GRIN2B: variants seen among roughly 807,000 people sequenced by gnomAD.
GRIN2B encodes the protein glutamate ionotropic receptor NMDA type subunit 2B, also known as glutamate receptor ionotropic, NMDA 2B.
In GRIN2B, 5 loss-of-function variants were observed where a neutral mutation model predicts 114.5. The ratio of observed to expected loss-of-function variants is 0.04; its 90% CI spans 0.02 to 0.09. GRIN2B has a LOEUF of 0.09. GRIN2B is among the 10% of genes least tolerant of loss of function. GRIN2B has a pLI of 1.00. For missense variants in GRIN2B, 1,108 were observed against 1,943.5 expected (o/e 0.57, Z 8.08); for synonymous variants, 787 against 745.1 (o/e 1.06, Z -0.92).
intron 3 of GRIN2B, among the ~76,000 whole-genome samples, chr12:13,822,447 T>C (rs896968559): frequency 5.3e-5 from 8 of 152,274 alleles, no homozygotes; most frequent in Admixed American, 3.9e-4. Context: ...TCTATGCATT[T>C]ACAATCTATT....
At chr12:13,801,052 G>A (rs145954905) in intron 3 of GRIN2B, among the ~76,000 whole-genome samples, 1 of 152,110 alleles carries the variant, frequency 6.6e-6, no homozygotes, top group African/African-American at 2.4e-5. Flanking sequence ...TAATACGCCG[G>A]AGATTTATAA....
intron 3 of GRIN2B, among the ~76,000 whole-genome samples, chr12:13,860,184 G>T (rs1281468868): frequency 1.3e-5 from 2 of 152,164 alleles, no homozygotes; most frequent in African/African-American, 4.8e-5. Flanking sequence ...TGGGGGTAGA[G>T]GATAGGGGAA....
chr12:13,885,104 T>C (rs1490249287), intron 2 of GRIN2B, among the ~76,000 whole-genome samples: 1 of 151,940 alleles, frequency 6.6e-6, no homozygotes, highest in Non-Finnish European at 1.5e-5. Flanking sequence ...TGATGAGGGG[T>C]AAAACACAGT....
chr12:13,763,707 G>T (rs1401092505), intron 3 of GRIN2B, among the ~76,000 whole-genome samples: 7 of 152,220 alleles, frequency 4.6e-5, no homozygotes, highest in African/African-American at 1.7e-4. Context: ...GGGACTCAGA[G>T]CTTGCTGACC....
At chr12:13,739,412 G>GAAAAAAAAA (rs1565519594) in intron 4 of GRIN2B, among the ~76,000 whole-genome samples, 4 of 133,896 alleles carry the variant, frequency 3.0e-5, no homozygotes, top group Non-Finnish European at 6.2e-5. Flanking sequence ...AGAAGAAAAG[G>GAAAAAAAAA]AAAAAAAAAG....
At chr12:13,861,454 A>C (rs1865750143) in intron 3 of GRIN2B, among the ~76,000 whole-genome samples, 1 of 152,360 alleles carries the variant, frequency 6.6e-6, no homozygotes, top group Non-Finnish European at 1.5e-5. Flanking sequence ...TAAATCCAGG[A>C]TCTCAGGGAG....
chr12:13,919,073 A>C (rs761804825), intron 2 of GRIN2B, among the ~76,000 whole-genome samples: 1 of 152,224 alleles, frequency 6.6e-6, no homozygotes, highest in Non-Finnish European at 1.5e-5. Context: ...AGTGGGCCTG[A>C]GTTTCTTTTC....
At chr12:13,970,180 C>G (rs1457987056) in intron 2 of GRIN2B, among the ~76,000 whole-genome samples, 1 of 152,068 alleles carries the variant, frequency 6.6e-6, no homozygotes, top group Middle Eastern at 3.2e-3. Context: ...TTGAGATGAG[C>G]CTTGAGGAAT....
intron 3 of GRIN2B, among the ~76,000 whole-genome samples, chr12:13,850,732 G>C (rs532396688): frequency 6.6e-6 from 1 of 152,270 alleles, no homozygotes; most frequent in African/African-American, 2.4e-5. Flanking sequence ...TTACTCCAAG[G>C]CTAAATGCTT....
chr12:13,618,369 A>G (rs1014591316), intron 5 of GRIN2B, among the ~76,000 whole-genome samples: 7 of 152,218 alleles, frequency 4.6e-5, no homozygotes, highest in African/African-American at 1.7e-4. Context: ...AAAGTTGAGA[A>G]GCCCTAAAGT....
Position 13,562,773 on chromosome 12 carries a change from G to C in GRIN2B, c.*10C>G, listed in dbSNP as rs1242127908. ...CTCCCGTACCCACCTTAACCTCTCT[G>C]TTCCCTCACTCAGACATCAGACTCA... On this transcript the variant is annotated 3_prime_UTR_variant, in exon 14 of 14. Transcript: ENST00000609686. 2 of 1,611,004 alleles carry C rather than the reference G, an allele frequency of 1.2e-6. No individual in the cohort carries two copies. The highest frequency in any genetic ancestry group is 2.2e-5 in the East Asian group (1 of 44,862).
At chr12:13,805,543 CTAT>C (rs1372729929) in intron 3 of GRIN2B, among the ~76,000 whole-genome samples, 1 of 151,988 alleles carries the variant, frequency 6.6e-6, no homozygotes, top group Non-Finnish European at 1.5e-5. Flanking sequence ...AGCTGGCAGG[CTAT>C]TATTATTTAT....
chr12:13,687,957 A>G (rs1184991953), intron 4 of GRIN2B, among the ~76,000 whole-genome samples: 1 of 152,168 alleles, frequency 6.6e-6, no homozygotes, highest in East Asian at 1.9e-4. Flanking sequence ...TGGCTGCTCA[A>G]TTTTTTAAAA....
intron 4 of GRIN2B, among the ~76,000 whole-genome samples, chr12:13,685,926 C>A (rs1487972179): frequency 1.3e-5 from 2 of 152,104 alleles, no homozygotes; most frequent in Non-Finnish European, 2.9e-5. Context: ...GATGAACAGT[C>A]TCTAACAGTA....
rs557070856 is a variant in GRIN2B, at chr12:13,869,841, A to T, written c.-18-3615T>A. ...CACAGTGCCTGAGGATGGGCGAGTC[A>T]CCTAATTACCATCTCTATGCTATCA... On this transcript the variant is annotated intron_variant, in intron 2 of 13. Transcript: ENST00000609686. Among the ~76,000 whole-genome samples, 3 of 152,308 alleles carry T rather than the reference A, an allele frequency of 2.0e-5. No individual in the cohort carries two copies. In the South Asian group the frequency reaches 6.2e-4, roughly 32 times the overall value.
intron 10 of GRIN2B, among the ~76,000 whole-genome samples, chr12:13,600,132 G>C (rs752938081): frequency 2.6e-5 from 4 of 152,082 alleles, no homozygotes; most frequent in African/African-American, 9.7e-5. Context: ...TCTTGCATAG[G>C]GATACCTTTC....
intron 1 of GRIN2B, 51 bp downstream of exon 1, chr12:13,981,291 C>CTCAAA (rs1863133234): frequency 1.3e-5 from 2 of 152,522 alleles, no homozygotes; most frequent in South Asian, 4.1e-4. Context: ...TGCCTGACAC[C>CTCAAA]CCCAAACCCC....
At chr12:13,971,906 A>G (rs906506591) in intron 2 of GRIN2B, among the ~76,000 whole-genome samples, 5 of 152,144 alleles carry the variant, frequency 3.3e-5, no homozygotes, top group Non-Finnish European at 1.5e-5. Flanking sequence ...CTTGGGTGCA[A>G]GCTGTAGACT....
intron 3 of GRIN2B, among the ~76,000 whole-genome samples, chr12:13,782,180 T>C (rs1864127499): frequency 6.6e-6 from 1 of 152,288 alleles, no homozygotes; most frequent in East Asian, 1.9e-4. Context: ...TTAGAAAGCA[T>C]ATGTCAGTCA....
Sources: gnomAD v4.1 joint callset for allele counts (sites outside exome capture counted in the v4.1 genomes callset) on GRCh38, gnomAD v4.1.1 for gene constraint, MANE v1.5 for transcripts, NCBI Gene and HGNC (gene_info 2026-07-23, HGNC 2026-07-21) for gene names.